ROR1: variants seen among roughly 807,000 people sequenced by gnomAD.
The protein encoded by ROR1 is inactive tyrosine-protein kinase transmembrane receptor ROR1.
In ROR1, 19 loss-of-function variants were observed where a neutral mutation model predicts 78.8. The ratio of observed to expected loss-of-function variants is 0.24; its 90% CI spans 0.17 to 0.35. The LOEUF (loss-of-function observed/expected upper bound fraction) is 0.35. Among genes scored for constraint, ROR1 ranks in the 10% least tolerant of loss-of-function variants. The pLI is 1.00. For synonymous variants in ROR1, 386 were observed against 433.6 expected (o/e 0.89, Z 1.36); for missense variants, 917 against 1,177.8 (o/e 0.78, Z 3.24).
chr1:64,024,013 T>A, intron 2 of ROR1, among the ~76,000 whole-genome samples: 1 of 152,188 alleles, frequency 6.6e-6, no homozygotes, highest in East Asian at 1.9e-4. Flanking sequence ...TTCCTCTCTC[T>A]CTTTCTCTCC....
chr1:63,872,221 G>A (rs2100360844), intron 1 of ROR1, among the ~76,000 whole-genome samples: 1 of 152,246 alleles, frequency 6.6e-6, no homozygotes, highest in Non-Finnish European at 1.5e-5. Context: ...TGGTAAATCT[G>A]AATACTTTTG....
At chr1:63,927,376 G>A (rs112965581) in intron 1 of ROR1, among the ~76,000 whole-genome samples, 154 of 140,528 alleles carry the variant, frequency 1.1e-3, no homozygotes, top group African/African-American at 3.9e-3. Flanking sequence ...GATCATGGTG[G>A]ATAAGCTTTT....
intron 1 of ROR1, among the ~76,000 whole-genome samples, chr1:63,993,484 A>G (rs1045578996): frequency 6.6e-6 from 1 of 152,270 alleles, no homozygotes; most frequent in East Asian, 1.9e-4. Flanking sequence ...TCTTTTATAG[A>G]TATTTTATAA....
intron 4 of ROR1, among the ~76,000 whole-genome samples, chr1:64,094,267 A>G (rs1040333710): frequency 6.6e-6 from 1 of 152,108 alleles, no homozygotes; most frequent in Non-Finnish European, 1.5e-5. Flanking sequence ...ATTCTCTGTC[A>G]TTCCTCTACC....
chr1:63,799,765 A>G (rs531368041), intron 1 of ROR1, among the ~76,000 whole-genome samples: 1 of 152,116 alleles, frequency 6.6e-6, no homozygotes, highest in South Asian at 2.1e-4. Flanking sequence ...TCTCATGTAT[A>G]TCTTCAGTGT....
Position 64,047,018 on chromosome 1 carries a change from A to G in ROR1, c.164-2673A>G, listed in dbSNP as rs558551632. Among the ~76,000 whole-genome samples, 3 of 152,292 alleles carry G rather than the reference A, an allele frequency of 2.0e-5. No homozygotes were observed. The South Asian group carries it at 6.2e-4, about 32-fold the overall frequency. On this transcript the variant is annotated intron_variant, in intron 2 of 8. Coordinates refer to ENST00000371079, the MANE Select transcript of ROR1 (RefSeq NM_005012.4). ...AGAACTGGCCAGCTGCCTCAAATGG[A>G]CTTTCTTTAGGTGCTTGGCTGAGCC...
chr1:64,156,638 C>T (rs1308452273), intron 7 of ROR1, among the ~76,000 whole-genome samples: 7 of 139,494 alleles, frequency 5.0e-5, no homozygotes, highest in African/African-American at 8.1e-5. Context: ...ACCCGGGAGG[C>T]GGACGTTGCA....
intron 1 of ROR1, among the ~76,000 whole-genome samples, chr1:63,888,792 C>T (rs1452672107): frequency 6.6e-6 from 1 of 151,982 alleles, no homozygotes; most frequent in Non-Finnish European, 1.5e-5. Flanking sequence ...CATTTGAGTT[C>T]CTAATATGTG....
chr1:64,036,984 C>T (rs574265889), intron 2 of ROR1, among the ~76,000 whole-genome samples: 2 of 152,332 alleles, frequency 1.3e-5, no homozygotes, highest in South Asian at 2.1e-4. Context: ...GTTGTTTGCA[C>T]AAGAGATGTC....
chr1:64,013,127 G>C (rs1005894032), intron 2 of ROR1, among the ~76,000 whole-genome samples: 4 of 152,156 alleles, frequency 2.6e-5, no homozygotes, highest in African/African-American at 9.7e-5. Context: ...AAATTCACCT[G>C]GCCAGCAAAT....
intron 2 of ROR1, among the ~76,000 whole-genome samples, chr1:64,046,107 C>G (rs1646780641): frequency 6.6e-6 from 1 of 152,090 alleles, no homozygotes; most frequent in African/African-American, 2.4e-5. Context: ...CTGCAGCTGC[C>G]CATATAGAAA....
chr1:63,784,970 C>A (rs2100226515), intron 1 of ROR1, among the ~76,000 whole-genome samples: 1 of 152,270 alleles, frequency 6.6e-6, no homozygotes, highest in South Asian at 2.1e-4. Flanking sequence ...ACCTGGAAAT[C>A]TTAGGTTATA....
intron 1 of ROR1, among the ~76,000 whole-genome samples, chr1:63,818,701 A>G (rs776292919): frequency 6.6e-6 from 1 of 152,214 alleles, no homozygotes. Flanking sequence ...TGTTTAAAGG[A>G]TCTGACAGAA....
At chr1:63,847,722 C>A (rs778973379) in intron 1 of ROR1, among the ~76,000 whole-genome samples, 1 of 152,316 alleles carries the variant, frequency 6.6e-6, no homozygotes, top group Non-Finnish European at 1.5e-5. Context: ...GTGTTCCTGC[C>A]ATATTAAAAT....
intron 1 of ROR1, among the ~76,000 whole-genome samples, chr1:63,878,151 T>C (rs927498338): frequency 6.6e-6 from 1 of 152,164 alleles, no homozygotes; most frequent in Admixed American, 6.5e-5. Flanking sequence ...CCTTGGGGAC[T>C]CCAGAAGGGC....
intron 1 of ROR1, among the ~76,000 whole-genome samples, chr1:63,984,159 G>A (rs1646232919): frequency 6.6e-6 from 1 of 152,140 alleles, no homozygotes; most frequent in Admixed American, 6.6e-5. Flanking sequence ...GACAAAATGG[G>A]CTCTAAATAA....
At chr1:63,820,273 G>C (rs2787664) in intron 1 of ROR1, among the ~76,000 whole-genome samples, 3,782 of 152,160 alleles carry the variant, frequency 0.025, 162 homozygotes, top group African/African-American at 0.087. Context: ...CCCCCTGCAA[G>C]CCCTGCAATC....
chr1:63,882,385 T>C (rs1259023717), intron 1 of ROR1, among the ~76,000 whole-genome samples: 1 of 152,170 alleles, frequency 6.6e-6, no homozygotes, highest in Non-Finnish European at 1.5e-5. Flanking sequence ...CCTTTAGAGC[T>C]CTGGCCTCTG....
intron 2 of ROR1, among the ~76,000 whole-genome samples, chr1:64,011,330 A>T (rs1432177694): frequency 6.6e-6 from 1 of 152,234 alleles, no homozygotes; most frequent in Non-Finnish European, 1.5e-5. Flanking sequence ...GAAATAAAAG[A>T]CCCTGAACAT....
Sources: allele counts gnomAD v4.1 joint callset (sites outside exome capture counted in the v4.1 genomes callset), GRCh38; gene constraint gnomAD v4.1.1; transcripts MANE v1.5; gene names NCBI Gene and HGNC (gene_info 2026-07-23, HGNC 2026-07-21).